ARHGEF10: variants seen among roughly 807,000 people sequenced by gnomAD.
ARHGEF10 encodes the protein Rho guanine nucleotide exchange factor (GEF) 10.
ARHGEF10 carries 140 observed loss-of-function variants against 147.4 expected under a neutral mutation model. The observed-to-expected ratio is 0.95, with a 90% CI of 0.83 to 1.09. ARHGEF10 has a LOEUF of 1.09. Ranked by LOEUF, ARHGEF10 falls within the 50% of genes least tolerant of loss-of-function variation. ARHGEF10 has a pLI of 0.00. For missense variants in ARHGEF10, 2,222 were observed against 1,752.7 expected (o/e 1.27, Z -4.78); for synonymous variants, 902 against 695.8 (o/e 1.30, Z -4.67).
At position 1,937,777 on chromosome 8, in the gene ARHGEF10, G is replaced by T. The variant is rs764400470; in HGVS notation, c.3222+3835G>T. Among the ~76,000 whole-genome samples, 1 of 152,248 alleles carries T rather than the reference G, an allele frequency of 6.6e-6. No homozygotes were observed. The highest frequency in any genetic ancestry group is 1.5e-5 in the Non-Finnish European group (1 of 68,048). ...GGGGATCCGTCCCGAATGGCCATAT[G>T]CTGTCAGAACAGTGCCGGCCTGGGA... On this transcript the variant is annotated intron_variant, in intron 26 of 28. Coordinates refer to ENST00000349830, the MANE Select transcript of ARHGEF10 (RefSeq NM_014629.4). This position sits in a 1 kb window ranked among gnomAD's most constrained non-coding sequence, Gnocchi z 4.9.
In ARHGEF10 at chr8:1,917,043, T is replaced by C. The variant is rs149189172; in HGVS notation, c.2144-5921T>C. Among the ~76,000 whole-genome samples the C allele has an allele frequency of 1.3e-3, 192 of 152,374 alleles. 1 individual carries two copies. Among genetic ancestry groups the C allele is most frequent in the African/African-American group, 4.1e-3 (170 of 41,586 alleles). ...ACTGACTACAGGACGTTCCTCATGA[T>C]TGAAACTGAGTTTATTGCATACTGC... On this transcript the variant is annotated intron_variant, in intron 18 of 28. Transcript: ENST00000349830.
intron 1 of ARHGEF10, among the ~76,000 whole-genome samples, chr8:1,836,063 C>T (rs192166749): frequency 1.8e-4 from 28 of 151,904 alleles, no homozygotes; most frequent in Admixed American, 1.4e-3. Flanking sequence ...TGCCTGAAGT[C>T]CCAGCTACTC....
At chr8:1,876,026 A>G (rs1379305211) in intron 7 of ARHGEF10, 1 of 162,214 alleles carries the variant, frequency 6.2e-6, no homozygotes, top group Non-Finnish European at 1.4e-5. Flanking sequence ...TCATTCTCTA[A>G]AAGTCTTGTT....
At chr8:1,922,121 A>G (rs1208231507) in intron 18 of ARHGEF10, among the ~76,000 whole-genome samples, 34 of 152,080 alleles carry the variant, frequency 2.2e-4, no homozygotes, top group Admixed American at 2.2e-3. Flanking sequence ...CGTGGGATTT[A>G]GTGAGGAAGT....
intron 28 of ARHGEF10, among the ~76,000 whole-genome samples, chr8:1,955,240 C>CTG (rs1456121501): frequency 3.1e-4 from 46 of 149,222 alleles, no homozygotes; most frequent in South Asian, 1.5e-3. Context: ...TGCACTCTCA[C>CTG]TGTTCCTCTG....
At chr8:1,910,976 T>G (rs1376233336) in intron 18 of ARHGEF10, among the ~76,000 whole-genome samples, 2 of 152,200 alleles carry the variant, frequency 1.3e-5, no homozygotes, top group East Asian at 3.8e-4. Context: ...CAGTTAGCAA[T>G]GTGAAAAAAG....
intron 6 of ARHGEF10, 128 bp downstream of exon 6, chr8:1,866,730 A>T (rs1396026660): frequency 1.1e-6 from 1 of 947,278 alleles, no homozygotes; most frequent in Non-Finnish European, 1.7e-6. Context: ...TATTTACTGA[A>T]AATAGTAACA....
In ARHGEF10 at chr8:1,824,035, G is replaced by A. The variant is rs1353427612; in HGVS notation, c.-126G>A. 1 of 94,574 alleles carries A rather than the reference G, an allele frequency of 1.1e-5. No homozygotes were observed. The highest frequency in any genetic ancestry group is 1.3e-4 in the Admixed American group (1 of 7,904). The allele number at this position is 94,574 out of a possible 1,614,324, so 5.9% of individuals were successfully genotyped here. A position where few individuals can be genotyped will look rare whatever the true frequency, so the allele number is the denominator to read the frequency against. On this transcript the variant is annotated 5_prime_UTR_variant, in exon 1 of 29. Coordinates refer to ENST00000349830, the MANE Select transcript of ARHGEF10 (RefSeq NM_014629.4). ...GCGGGGAACGGCGGGGGACGGCGGG[G>A]AACAGCGGGGGACGGCGGGGAACAG...
chr8:1,878,561 A>T (rs903605604), intron 8 of ARHGEF10, among the ~76,000 whole-genome samples: 1 of 152,120 alleles, frequency 6.6e-6, no homozygotes, highest in Non-Finnish European at 1.5e-5. Flanking sequence ...CTTGATTTAA[A>T]CTGAGATTTA....
chr8:1,952,677 C>A (rs1815151003), intron 27 of ARHGEF10, 28 bp from the exon 28 acceptor site: 1 of 1,612,768 alleles, frequency 6.2e-7, no homozygotes, highest in South Asian at 1.1e-5. Flanking sequence ...CAAACCAGAC[C>A]CGAAGCCACT....
At chr8:1,875,739 A>T (rs1490760996) in intron 7 of ARHGEF10, among the ~76,000 whole-genome samples, 2 of 152,204 alleles carry the variant, frequency 1.3e-5, no homozygotes, top group African/African-American at 2.4e-5. Flanking sequence ...GTTCATGTCT[A>T]ATTTTGCATT....
intron 12 of ARHGEF10, among the ~76,000 whole-genome samples, 166 bp downstream of exon 12, chr8:1,893,812 A>G (rs927832195): frequency 3.9e-5 from 6 of 152,232 alleles, no homozygotes; most frequent in African/African-American, 1.4e-4. Flanking sequence ...TGACATCAAA[A>G]GTCATGATTT....
Position 1,952,776 on chromosome 8 carries a change from G to A in ARHGEF10, c.3469G>A (p.Val1157Ile), listed in dbSNP as rs755132552. ...GCTGATGGTCGGCACCAGCCTGGGAGTCCTCGTGGCCCTGCCGGTCCCACG... is the reference window on the plus strand; with the variant it reads ...GCTGATGGTCGGCACCAGCCTGGGAATCCTCGTGGCCCTGCCGGTCCCACG... ...GLLMVGTSLG[V>I]LVALPVPRLQ... Residue 1157 changes from valine (V) to isoleucine (I), a missense_variant, in exon 28 of 29, where the codon GTC becomes ATC. Val to Ile is a conservative substitution (Grantham distance 29, BLOSUM62 3). Transcript: ENST00000349830. 1 of 1,613,646 alleles carries A rather than the reference G, an allele frequency of 6.2e-7. No individual in the cohort carries two copies. Among genetic ancestry groups the A allele is most frequent in the Non-Finnish European group, 8.5e-7 (1 of 1,180,050 alleles).
In ARHGEF10 at chr8:1,926,497, C is replaced by G. The variant is rs767908071; in HGVS notation, c.2697+34C>G. 10 of 1,578,528 alleles carry G rather than the reference C, an allele frequency of 6.3e-6. No individual in the cohort carries two copies. In the African/African-American group the frequency reaches 9.4e-5, roughly 15 times the overall value. On this transcript the variant is annotated intron_variant, in intron 23 of 28. Transcript: ENST00000349830. ...TGTTTATTTGGTTTTGGTACAAGTT[C>G]ACAGAGAATCAACGTTCATGGTCGG...
intron 17 of ARHGEF10, among the ~76,000 whole-genome samples, chr8:1,906,550 G>T (rs1039183819): frequency 6.6e-6 from 1 of 152,144 alleles, no homozygotes; most frequent in African/African-American, 2.4e-5. Flanking sequence ...TTTTCCAGCG[G>T]CCAGATATAT....
intron 1 of ARHGEF10, among the ~76,000 whole-genome samples, chr8:1,832,355 CAGGCAGAGACAGAGACAGAGACAG>C (rs1563147356): frequency 7.5e-6 from 1 of 133,352 alleles, no homozygotes; most frequent in East Asian, 2.3e-4. Flanking sequence ...GAGACAGAGA[CAGGCAGAGACAGAGACAGAGACAG>C]AGGCAGAGGC....
chr8:1,852,181 C>T (rs1805207054), intron 2 of ARHGEF10, among the ~76,000 whole-genome samples: 1 of 152,230 alleles, frequency 6.6e-6, no homozygotes, highest in Non-Finnish European at 1.5e-5. Context: ...CCATGTGTGA[C>T]TTGAGCTGTC....
chr8:1,934,020 C>G (rs1813366754), intron 26 of ARHGEF10, 78 bp downstream of exon 26: 1 of 1,595,886 alleles, frequency 6.3e-7, no homozygotes, highest in Non-Finnish European at 8.6e-7. Flanking sequence ...GTGCCGAAGT[C>G]AAGGCTTCTT....
At chr8:1,869,276 G>C in intron 7 of ARHGEF10, 26 bp downstream of exon 7, 1 of 1,605,536 alleles carries the variant, frequency 6.2e-7, no homozygotes, top group Non-Finnish European at 8.5e-7. Flanking sequence ...GAATTGATTT[G>C]AGGAGATTCA....
Sources: allele counts gnomAD v4.1 joint callset (sites outside exome capture counted in the v4.1 genomes callset), GRCh38; gene constraint gnomAD v4.1.1; non-coding constraint Gnocchi (gnomAD v3.1); transcripts MANE v1.5; gene names NCBI Gene and HGNC (gene_info 2026-07-23, HGNC 2026-07-21).